The following TRDN variants were observed in gnomAD, a reference collection of about 807,000 sequenced individuals.
TRDN encodes the protein triadin in skeletal muscle.
Under a neutral mutation model 149.7 loss-of-function variants are expected in TRDN, and 161 were observed. The observed-to-expected ratio is 1.08, with a 90% CI of 0.95 to 1.23. The LOEUF (loss-of-function observed/expected upper bound fraction) is 1.23. TRDN is among the 50% of genes most tolerant of loss of function. TRDN has a pLI of 0.00. For missense variants in TRDN, 896 were observed against 823.5 expected (o/e 1.09, Z -1.08); for synonymous variants, 294 against 250.5 (o/e 1.17, Z -1.64).
chr6:123,556,137 A>G (rs1781642208), intron 2 of TRDN, among the ~76,000 whole-genome samples: 1 of 152,178 alleles, frequency 6.6e-6, no homozygotes, highest in Non-Finnish European at 1.5e-5. Flanking sequence ...GCTTTTGTAA[A>G]GAGAAGAGTA....
chr6:123,306,588 T>G (rs1053049833), intron 24 of TRDN, among the ~76,000 whole-genome samples: 6 of 152,104 alleles, frequency 3.9e-5, no homozygotes, highest in African/African-American at 1.4e-4. Flanking sequence ...GAAACCAGTT[T>G]TATCTATAGC....
chr6:123,572,586 GA>G (rs777414006), intron 1 of TRDN, among the ~76,000 whole-genome samples: 26 of 152,136 alleles, frequency 1.7e-4, no homozygotes, highest in Middle Eastern at 3.4e-3. Flanking sequence ...AGACCTACTA[GA>G]AAATTAAAAT....
chr6:123,633,319 G>C (rs1490338820), intron 1 of TRDN, among the ~76,000 whole-genome samples: 2 of 152,022 alleles, frequency 1.3e-5, no homozygotes, highest in Non-Finnish European at 2.9e-5. Flanking sequence ...TGGTCCTAGT[G>C]TAGGCTCCAA....
At chr6:123,484,566 CT>C (rs999670958) in intron 9 of TRDN, among the ~76,000 whole-genome samples, 2 of 152,088 alleles carry the variant, frequency 1.3e-5, no homozygotes, top group African/African-American at 4.8e-5. Flanking sequence ...TGTATTATTT[CT>C]TCCTTTTCAG....
At chr6:123,364,248 A>G (rs1781006125) in intron 20 of TRDN, among the ~76,000 whole-genome samples, 1 of 152,216 alleles carries the variant, frequency 6.6e-6, no homozygotes, top group South Asian at 2.1e-4. Context: ...CAGAGCGCAG[A>G]GTCTATGGAT....
intron 21 of TRDN, chr6:123,351,427 A>T (rs1035464621): frequency 6.1e-6 from 6 of 984,822 alleles, no homozygotes; most frequent in Non-Finnish European, 7.2e-6. Flanking sequence ...TTTATATTTC[A>T]GAAACTAAAA....
intron 24 of TRDN, among the ~76,000 whole-genome samples, chr6:123,310,633 G>A (rs1003043096): frequency 9.2e-5 from 14 of 151,826 alleles, no homozygotes; most frequent in Non-Finnish European, 1.8e-4. Context: ...TACCAGAAAC[G>A]GATGGCTTGA....
At chr6:123,395,365 G>A (rs576562881) in intron 12 of TRDN, among the ~76,000 whole-genome samples, 64 of 152,118 alleles carry the variant, frequency 4.2e-4, no homozygotes, top group Non-Finnish European at 7.9e-4. Context: ...TGGTTTCTCT[G>A]TCAGCTGCTT....
intron 1 of TRDN, chr6:123,583,796 G>A (rs1054074915): frequency 1.1e-4 from 18 of 158,468 alleles, no homozygotes; most frequent in Non-Finnish European, 2.2e-4. Flanking sequence ...GGCATGTTGA[G>A]TAAAGCTAAT....
At chr6:123,420,671 G>A (rs775538763) in intron 12 of TRDN, among the ~76,000 whole-genome samples, 1 of 152,174 alleles carries the variant, frequency 6.6e-6, no homozygotes, top group Non-Finnish European at 1.5e-5. Flanking sequence ...TACATCTCAT[G>A]TGATGGAAGA....
intron 1 of TRDN, among the ~76,000 whole-genome samples, chr6:123,603,168 C>A (rs1259664900): frequency 5.2e-5 from 2 of 38,638 alleles, no homozygotes; most frequent in African/African-American, 1.3e-4. Flanking sequence ...TCTGTGTACA[C>A]ATAATCTAAA....
chr6:123,343,132 A>C (rs894849541), intron 21 of TRDN, among the ~76,000 whole-genome samples: 1 of 152,054 alleles, frequency 6.6e-6, no homozygotes, highest in African/African-American at 2.4e-5. Flanking sequence ...ACAAAAAAGA[A>C]AATTACGTAT....
intron 9 of TRDN, among the ~76,000 whole-genome samples, chr6:123,473,819 C>G (rs1395780383): frequency 6.6e-6 from 1 of 151,900 alleles, no homozygotes; most frequent in East Asian, 1.9e-4. Context: ...AATTTTCAAC[C>G]CAGAATTTCA....
At chr6:123,633,829 G>T (rs1454805884) in intron 1 of TRDN, among the ~76,000 whole-genome samples, 3 of 151,942 alleles carry the variant, frequency 2.0e-5, no homozygotes, top group African/African-American at 7.2e-5. Context: ...TGAGGTTATA[G>T]GCACGACATG....
intron 23 of TRDN, among the ~76,000 whole-genome samples, chr6:123,322,427 T>C (rs1372614224): frequency 6.6e-6 from 1 of 152,070 alleles, no homozygotes; most frequent in African/African-American, 2.4e-5. Context: ...AATGGAAACA[T>C]TATAATTATC....
In TRDN at chr6:123,229,732, T is replaced by C. The variant is rs1322994535; in HGVS notation, c.1976-5601A>G. On this transcript the variant is annotated intron_variant, in intron 38 of 40. Coordinates refer to ENST00000334268, the MANE Select transcript of TRDN (RefSeq NM_006073.4). ...GAGACTGCGTGTGTATGGACTCTAA[T>C]AAATATGGACTCTAATTACAATTGG... Among the ~76,000 whole-genome samples the C allele has an allele frequency of 4.6e-5, 7 of 151,884 alleles. No homozygotes were observed. In the East Asian group the frequency reaches 1.4e-3, roughly 30 times the overall value.
At chr6:123,350,829 G>C (rs1780435621) in intron 21 of TRDN, 1 of 983,662 alleles carries the variant, frequency 1.0e-6, no homozygotes, top group Middle Eastern at 5.2e-4. Flanking sequence ...CACAATCCAA[G>C]AGCCTAAGCT....
rs757465009 is a variant in TRDN, at chr6:123,464,898, G to A, written c.931+8C>T. 6.4e-7 allele frequency: 1 copy of A among 1,567,154 alleles called. No homozygotes were observed. Among genetic ancestry groups the A allele is most frequent in the South Asian group, 1.2e-5 (1 of 85,028 alleles). The stretch of plus-strand genomic sequence containing the variant: ...ATAGAGATCTTTAAGAAAAAAAAAA[G>A]TACTTGCCTTCAAGGGCAGGTGATG... On this transcript the variant is annotated splice_region_variant and intron_variant, in intron 10 of 40. Transcript: ENST00000334268.
intron 1 of TRDN, among the ~76,000 whole-genome samples, chr6:123,608,900 C>T (rs1354640601): frequency 4.6e-5 from 7 of 151,750 alleles, no homozygotes; most frequent in Non-Finnish European, 1.0e-4. Context: ...AGGCTGGGCT[C>T]GGTGGCTCAC....
Sources: allele counts gnomAD v4.1 joint callset (sites outside exome capture counted in the v4.1 genomes callset), GRCh38; gene constraint gnomAD v4.1.1; transcripts MANE v1.5; gene names NCBI Gene and HGNC (gene_info 2026-07-23, HGNC 2026-07-21).